Variants in RPRD2 observed in about 807,000 individuals in gnomAD.
RPRD2 encodes the protein regulation of nuclear pre-mRNA domain containing 2, also known as regulation of nuclear pre-mRNA domain-containing protein 2.
A neutral mutation model predicts 104.4 loss-of-function variants in RPRD2; 12 were observed. That is an observed-to-expected ratio of 0.11 (90% CI 0.07 to 0.19). The LOEUF (loss-of-function observed/expected upper bound fraction) is 0.19, where lower values mean the gene tolerates loss of function less well. RPRD2 is among the 10% of genes least tolerant of loss of function. RPRD2 has a pLI of 1.00. For synonymous variants in RPRD2, 714 were observed against 684.9 expected (o/e 1.04, Z -0.66); for missense variants, 1,543 against 1,790.1 (o/e 0.86, Z 2.49).
At chr1:150,469,067 G>A (rs1394714752) in intron 10 of RPRD2, among the ~76,000 whole-genome samples, 2 of 151,924 alleles carry the variant, frequency 1.3e-5, no homozygotes, top group African/African-American at 4.8e-5. Flanking sequence ...AGAAATAAAT[G>A]GCTTTAAAAT....
At chr1:150,371,746 G>A (rs1329577457) in intron 1 of RPRD2, among the ~76,000 whole-genome samples, 4 of 152,020 alleles carry the variant, frequency 2.6e-5, no homozygotes, top group Admixed American at 2.6e-4. Context: ...TCAAACCCAG[G>A]CATTCTTGAT....
chr1:150,442,075 C>T (rs1211640091), intron 4 of RPRD2, 117 bp downstream of exon 4: 1 of 617,116 alleles, frequency 1.6e-6, no homozygotes, highest in African/African-American at 2.0e-5. Context: ...TTTTCCAGGT[C>T]TGGGAGGCTC....
chr1:150,465,232 C>T (rs587691543), intron 10 of RPRD2, among the ~76,000 whole-genome samples: 1 of 152,110 alleles, frequency 6.6e-6, no homozygotes, highest in East Asian at 1.9e-4. Context: ...TCACTGCAAC[C>T]TCAGCCTCCC....
Position 150,472,648 on chromosome 1 carries a change from C to T in RPRD2, c.3700C>T (p.His1234Tyr). 6.2e-7 allele frequency: 1 copy of T among 1,613,856 alleles called. No homozygotes were observed. The highest frequency in any genetic ancestry group is 8.5e-7 in the Non-Finnish European group (1 of 1,179,756). The stretch of plus-strand genomic sequence containing the variant: ...TATCTTCTCTCGAGATGCACCCACT[C>T]ATCTACCCTCTGTGGATCTTTCGAA... ...GGIFSRDAPTHLPSVDLSNPF... is the reference protein window; with the variant it reads ...GGIFSRDAPTYLPSVDLSNPF... Residue 1234 changes from histidine to tyrosine, a missense_variant, in exon 11 of 11, where the codon CAT becomes TAT. Around this residue, in one of 4 missense-constraint regions of RPRD2, gnomAD observed 880 missense variants for 885.6 expected, o/e 0.99. Coordinates refer to ENST00000369068, the MANE Select transcript of RPRD2 (RefSeq NM_015203.5).
intron 1 of RPRD2, among the ~76,000 whole-genome samples, chr1:150,380,119 A>G (rs1329756470): frequency 1.3e-5 from 2 of 152,238 alleles, no homozygotes; most frequent in Non-Finnish European, 2.9e-5. Context: ...ACATAAAAAT[A>G]TACTACATTT....
chr1:150,409,647 C>CTTTTTTT (rs10684353), intron 1 of RPRD2, among the ~76,000 whole-genome samples: 9 of 114,608 alleles, frequency 7.9e-5, no homozygotes, highest in Non-Finnish European at 1.0e-4. Context: ...TGTTGCAATT[C>CTTTTTTT]TTTTTTTTTT....
intron 9 of RPRD2, among the ~76,000 whole-genome samples, 163 bp from the exon 10 acceptor site, chr1:150,464,364 T>G (rs1345231387): frequency 9.6e-5 from 4 of 41,484 alleles, no homozygotes; most frequent in South Asian, 5.4e-4. Flanking sequence ...TTTTCAGGGT[T>G]TTTTTTTTTT....
intron 2 of RPRD2, among the ~76,000 whole-genome samples, chr1:150,434,639 A>G (rs1271835915): frequency 6.6e-6 from 1 of 152,076 alleles, no homozygotes; most frequent in Non-Finnish European, 1.5e-5. Context: ...AACGTGGTGA[A>G]ACCCTGTCTC....
At position 150,443,494 on chromosome 1, in the gene RPRD2, T is replaced by A. The variant is rs587612504; in HGVS notation, c.567+211T>A. ...TGGTAGAAATAACCTTCTTCCAGTA[T>A]ATCTATTATCAGCTGAGTTGCATAT... On this transcript the variant is annotated intron_variant, in intron 5 of 10. Transcript: ENST00000369068. Among the ~76,000 whole-genome samples, 2 of 152,354 alleles carry A rather than the reference T, an allele frequency of 1.3e-5. 1 individual carries two copies. The highest frequency in any genetic ancestry group is 4.1e-4 in the South Asian group (2 of 4,834).
intron 2 of RPRD2, among the ~76,000 whole-genome samples, chr1:150,440,315 A>G (rs1572481889): frequency 6.6e-6 from 1 of 151,796 alleles, no homozygotes; most frequent in Admixed American, 6.6e-5. Flanking sequence ...CAATCCATCC[A>G]CCTCGGCCTC....
chr1:150,440,008 G>A (rs1329999204), intron 2 of RPRD2, among the ~76,000 whole-genome samples: 1 of 151,592 alleles, frequency 6.6e-6, no homozygotes, highest in Non-Finnish European at 1.5e-5. Context: ...CTGTGGCCCA[G>A]GCTGGGTTGC....
At position 150,428,829 on chromosome 1, in the gene RPRD2, G is replaced by C. The variant is rs934222623; in HGVS notation, c.335+11104G>C. Among the ~76,000 whole-genome samples, 6 of 152,052 alleles carry C rather than the reference G, an allele frequency of 3.9e-5. No individual in the cohort carries two copies. In the South Asian group the frequency reaches 8.3e-4, roughly 21 times the overall value. ...CTGTGACATCTGGACACCTCCTCTT[G>C]TACTTTATCAACTTTCCCCTTTAAA... is the stretch of plus-strand genomic sequence containing the variant. On this transcript the variant is annotated intron_variant, in intron 2 of 10. Coordinates refer to ENST00000369068, the MANE Select transcript of RPRD2 (RefSeq NM_015203.5).
intron 1 of RPRD2, among the ~76,000 whole-genome samples, chr1:150,379,288 A>C (rs919718036): frequency 2.6e-5 from 4 of 152,126 alleles, no homozygotes. Context: ...ATCTCAAAAA[A>C]AAAACAAAAA....
chr1:150,398,806 G>A (rs1310565094), intron 1 of RPRD2, among the ~76,000 whole-genome samples: 2 of 152,038 alleles, frequency 1.3e-5, no homozygotes, highest in Admixed American at 6.6e-5. Flanking sequence ...GCCTCCCAAA[G>A]TGCTGTGGTT....
intron 1 of RPRD2, among the ~76,000 whole-genome samples, chr1:150,386,804 C>G (rs1158896740): frequency 6.6e-6 from 1 of 152,120 alleles, no homozygotes; most frequent in Non-Finnish European, 1.5e-5. Flanking sequence ...TGGATACTCA[C>G]AATGCTTGAG....
At position 150,473,558 on chromosome 1, in the gene RPRD2, A is replaced by T. The variant is rs1184630305; in HGVS notation, c.*224A>T. 1.0e-4 allele frequency: 12 copies of T among 114,428 alleles called. No homozygotes were observed. Among genetic ancestry groups the T allele is most frequent in the Middle Eastern group, 3.8e-3 (1 of 262 alleles). The allele number at this position is 114,428 out of a possible 1,614,324, so 7.1% of individuals were successfully genotyped here. ...TACCTTCCCCAAGTTGTTTGTATTAAAAAAAAAAAAAAAAAAAAAAAGTAA... is the reference window on the plus strand; with the variant it reads ...TACCTTCCCCAAGTTGTTTGTATTATAAAAAAAAAAAAAAAAAAAAAGTAA... On this transcript the variant is annotated 3_prime_UTR_variant, in exon 11 of 11. Coordinates refer to ENST00000369068, the MANE Select transcript of RPRD2 (RefSeq NM_015203.5).
intron 1 of RPRD2, among the ~76,000 whole-genome samples, chr1:150,400,098 A>G (rs1310104859): frequency 3.3e-5 from 5 of 152,164 alleles, no homozygotes; most frequent in African/African-American, 7.2e-5. Flanking sequence ...GCGATCTTGC[A>G]TGTATTTTAC....
chr1:150,422,059 A>C (rs1553889702), intron 2 of RPRD2, among the ~76,000 whole-genome samples: 1 of 151,820 alleles, frequency 6.6e-6, no homozygotes, highest in African/African-American at 2.4e-5. Context: ...TTTAAAACTC[A>C]CACCTGTAAT....
rs782494116 is a variant in RPRD2 at position 150,411,204 on chromosome 1, A to T, written c.206-6392A>T. The stretch of plus-strand genomic sequence containing the variant: ...GCGGGGCGCAGTGGCTCATGCCTGT[A>T]ATCCCAGCACTTTGGGAGGTCCAAG... On this transcript the variant is annotated intron_variant, in intron 1 of 10. Transcript: ENST00000369068. 1.2e-3 allele frequency among the ~76,000 whole-genome samples: 189 copies of T among 152,184 alleles called. 7 individuals carry two copies. The highest frequency in any genetic ancestry group is 1.9e-4 in the Non-Finnish European group (13 of 68,048).
Sources: allele counts gnomAD v4.1 joint callset (sites outside exome capture counted in the v4.1 genomes callset), GRCh38; gene constraint gnomAD v4.1.1; regional missense constraint gnomAD v4.1.1; transcripts MANE v1.5; gene names NCBI Gene and HGNC (gene_info 2026-07-23, HGNC 2026-07-21).